The following SRP9 variants were observed in gnomAD, a reference collection of about 807,000 sequenced individuals.
SRP9 encodes signal recognition particle 9.
Under a neutral mutation model 11.7 loss-of-function variants are expected in SRP9, and 2 were observed. That is an observed-to-expected ratio of 0.17 (90% CI 0.07 to 0.54). The LOEUF is 0.54. Ranked by LOEUF, SRP9 falls within the 20% of genes least tolerant of loss-of-function variation. SRP9 has a pLI of 0.94. For missense variants in SRP9, 54 were observed against 108.1 expected, an observed-to-expected ratio of 0.50 and a Z score of 2.22; for synonymous variants, 27 against 35.6, an observed-to-expected ratio of 0.76 and a Z score of 0.86.
At chr1:225,784,255 TTTTTTTTTTG>T (rs1665854964) in intron 2 of SRP9, among the ~76,000 whole-genome samples, 2 of 113,486 alleles carry the variant, frequency 1.8e-5, no homozygotes, top group Admixed American at 9.5e-5. Context: ...TTTTTTTTTT[TTTTTTTTTTG>T]AGACGGAGTC....
At chr1:225,786,428 T>C (rs1193409943) in intron 2 of SRP9, among the ~76,000 whole-genome samples, 2 of 152,228 alleles carry the variant, frequency 1.3e-5, no homozygotes, top group African/African-American at 2.4e-5. Flanking sequence ...GTTAGTTCTT[T>C]TGAAAATTTT....
intron 2 of SRP9, among the ~76,000 whole-genome samples, chr1:225,785,471 CCT>C (rs1379487000): frequency 1.3e-5 from 2 of 151,812 alleles, no homozygotes; most frequent in African/African-American, 4.8e-5. Flanking sequence ...CAAACTGCCT[CCT>C]GGGTTCACGC....
intron 1 of SRP9, among the ~76,000 whole-genome samples, chr1:225,779,970 T>C (rs1217835342): frequency 6.6e-6 from 1 of 152,128 alleles, no homozygotes; most frequent in Non-Finnish European, 1.5e-5. Flanking sequence ...TGAAAATAAT[T>C]AGAGCATCAC....
Position 225,783,331 on chromosome 1 carries a change from A to T in SRP9, c.104A>T (p.Asp35Val). ...GTGGTTCTCAAATATAGGCATTCTGATGGGAACTTGTGTGTTAAAGTAACA... is the reference window on the plus strand; with the variant it reads ...GTGGTTCTCAAATATAGGCATTCTGTTGGGAACTTGTGTGTTAAAGTAACA... ...ARVVLKYRHS[D>V]GNLCVKVTDD... The change falls in exon 2 of 3, where the codon GAT (aspartate) becomes GTT (valine). Residue 35 changes from aspartate to valine, a missense_variant. Transcript: ENST00000304786. 1 of 1,612,928 alleles carries T rather than the reference A, an allele frequency of 6.2e-7. No homozygotes were observed. Among genetic ancestry groups the T allele is most frequent in the Non-Finnish European group, 8.5e-7 (1 of 1,179,358 alleles).
At chr1:225,785,482 G>A (rs183561677) in intron 2 of SRP9, among the ~76,000 whole-genome samples, 234 of 151,676 alleles carry the variant, frequency 1.5e-3, no homozygotes, top group African/African-American at 5.1e-3. Context: ...CTGGGTTCAC[G>A]CCATTCTCCT....
chr1:225,784,507 C>T (rs1304130583), intron 2 of SRP9, among the ~76,000 whole-genome samples: 1 of 151,410 alleles, frequency 6.6e-6, no homozygotes, highest in African/African-American at 2.4e-5. Flanking sequence ...TCTCGGCCTC[C>T]GAAAATGGTG....
chr1:225,784,233 T>TTTTTTTTTTG, intron 2 of SRP9, among the ~76,000 whole-genome samples: 1 of 29,674 alleles, frequency 3.4e-5, no homozygotes, highest in Non-Finnish European at 7.2e-5. Context: ...CCTGTTCTTT[T>TTTTTTTTTTG]TTTTTTTTTT....
At chr1:225,783,634 G>A (rs1176100208) in intron 2 of SRP9, among the ~76,000 whole-genome samples, 2 of 152,216 alleles carry the variant, frequency 1.3e-5, no homozygotes, top group Non-Finnish European at 2.9e-5. Context: ...GACCAAATTG[G>A]ATGTAAGGGA....
In SRP9 at chr1:225,777,973, C is replaced by G. The variant is rs1448664708; in HGVS notation, c.33C>G (p.Ser11Arg). Reference sequence around the variant, plus strand: ...AGTACCAGACCTGGGAGGAGTTCAGCCGCGCTGCCGAGAAGCTTTACCTCG... The same window carrying G: ...AGTACCAGACCTGGGAGGAGTTCAGGCGCGCTGCCGAGAAGCTTTACCTCG... MPQYQTWEEF[S>R]RAAEKLYLAD... Residue 11 changes from serine (S) to arginine (R), a missense_variant, in exon 1 of 3, where the codon AGC becomes AGG. Ser to Arg is a moderately radical substitution (Grantham distance 110, BLOSUM62 -1). Transcript: ENST00000304786. 6.2e-7 allele frequency: 1 copy of G among 1,614,234 alleles called. No individual in the cohort carries two copies. The highest frequency in any genetic ancestry group is 8.5e-7 in the Non-Finnish European group (1 of 1,180,022).
rs564501393 is a variant in SRP9, at chr1:225,778,063, C to A, written c.72+51C>A. On this transcript the variant is annotated intron_variant, in intron 1 of 2. Transcript: ENST00000304786. ...TTGGGCCCCAGCCCAGGATGTCTTC[C>A]CGCCATCCACTCGGCCCCTGGAGCT... The A allele has an allele frequency of 3.8e-6, 6 of 1,598,594 alleles. 1 individual carries two copies. In the Admixed American group the frequency reaches 6.7e-5, roughly 18 times the overall value.
intron 1 of SRP9, among the ~76,000 whole-genome samples, chr1:225,780,350 G>A (rs1415711170): frequency 1.3e-5 from 2 of 151,946 alleles, no homozygotes; most frequent in Non-Finnish European, 2.9e-5. Flanking sequence ...GGGAGAGGAT[G>A]AGTGTAGAGG....
rs3753652 is a variant in SRP9, at chr1:225,781,051, A to G, written c.73-2249A>G. On this transcript the variant is annotated intron_variant, in intron 1 of 2. Coordinates refer to ENST00000304786, the MANE Select transcript of SRP9 (RefSeq NM_003133.6). ...TTGTCTCACCATTTTCATGATCTTC[A>G]GCTCTAGTCTCATGAAGCTACCGGA... 0.011 allele frequency among the ~76,000 whole-genome samples: 1,610 copies of G among 152,288 alleles called. 62 individuals are homozygous for G. In the East Asian group the frequency reaches 0.13, roughly 12 times the overall value.
At chr1:225,788,586 T>C (rs1388868713) in intron 2 of SRP9, among the ~76,000 whole-genome samples, 1 of 151,922 alleles carries the variant, frequency 6.6e-6, no homozygotes, top group Non-Finnish European at 1.5e-5. Context: ...CAGCTAATTT[T>C]TGTATTTTTA....
intron 2 of SRP9, among the ~76,000 whole-genome samples, chr1:225,787,665 A>G (rs1289279906): frequency 1.3e-5 from 2 of 152,336 alleles, no homozygotes; most frequent in Non-Finnish European, 1.5e-5. Context: ...CGACTTTTTT[A>G]TAATCCCATG....
At position 225,789,684 on chromosome 1, in the gene SRP9, C is replaced by T. The variant is rs1665989421; in HGVS notation, c.*325C>T. On this transcript the variant is annotated 3_prime_UTR_variant, in exon 3 of 3. Coordinates refer to ENST00000304786, the MANE Select transcript of SRP9 (RefSeq NM_003133.6). Reference sequence around the variant, plus strand: ...TTGAAAATGAGATATTAGGAAAAACCAATTCTTCTTAAATTTAGTTCATCT... The same window carrying T: ...TTGAAAATGAGATATTAGGAAAAACTAATTCTTCTTAAATTTAGTTCATCT... The T allele has an allele frequency of 5.4e-6, 1 of 183,776 alleles. No homozygotes were observed. Among genetic ancestry groups the T allele is most frequent in the South Asian group, 1.3e-4 (1 of 7,858 alleles). The allele number at this position is 183,776 out of a possible 1,614,324, so 11.4% of individuals were successfully genotyped here. A position where few individuals can be genotyped will look rare whatever the true frequency, so the allele number is the denominator to read the frequency against.
At position 225,790,306 on chromosome 1, in the gene SRP9, T is replaced by C. The variant is rs1666003371; in HGVS notation, c.*947T>C. 6.6e-6 allele frequency: 1 copy of C among 152,268 alleles called. No individual in the cohort carries two copies. The highest frequency in any genetic ancestry group is 6.5e-5 in the Admixed American group (1 of 15,282). The allele number at this position is 152,268 out of a possible 1,614,324, so 9.4% of individuals were successfully genotyped here. ...ATATTTGTATTTCACCACCTAAATGTAATGTTGATTCCTCAAGAATGAAAT... is the reference window on the plus strand; with the variant it reads ...ATATTTGTATTTCACCACCTAAATGCAATGTTGATTCCTCAAGAATGAAAT... On this transcript the variant is annotated 3_prime_UTR_variant, in exon 3 of 3. Coordinates refer to ENST00000304786, the MANE Select transcript of SRP9 (RefSeq NM_003133.6).
chr1:225,781,400 T>TC (rs1483279507), intron 1 of SRP9, among the ~76,000 whole-genome samples: 3 of 139,164 alleles, frequency 2.2e-5, no homozygotes, highest in African/African-American at 5.1e-5. Flanking sequence ...TTTTTCTTTT[T>TC]TTTTTTTTTT....
intron 1 of SRP9, among the ~76,000 whole-genome samples, chr1:225,779,158 T>G (rs1375609455): frequency 6.6e-6 from 1 of 151,908 alleles, no homozygotes; most frequent in African/African-American, 2.4e-5. Flanking sequence ...AGTTTTATTT[T>G]TTTTGAGACG....
At chr1:225,780,178 ATTTTTTTTT>A (rs67816765) in intron 1 of SRP9, among the ~76,000 whole-genome samples, 66 of 130,164 alleles carry the variant, frequency 5.1e-4, no homozygotes, top group Middle Eastern at 4.0e-3. Context: ...TGCCTGCCTA[ATTTTTTTTT>A]TTTTTTTTTT....
Sources: allele counts gnomAD v4.1 joint callset (sites outside exome capture counted in the v4.1 genomes callset), GRCh38; gene constraint gnomAD v4.1.1; transcripts MANE v1.5; gene names NCBI Gene and HGNC (gene_info 2026-07-23, HGNC 2026-07-21).